The following NWD1 variants were observed in gnomAD, a reference collection of about 807,000 sequenced individuals.
The protein encoded by NWD1 is NACHT and WD repeat domain containing 1.
Under a neutral mutation model 135.1 loss-of-function variants are expected in NWD1, and 129 were observed. The observed-to-expected ratio is 0.96, with a 90% CI of 0.83 to 1.11. The LOEUF (loss-of-function observed/expected upper bound fraction) is 1.11. Ranked by LOEUF, NWD1 falls within the 50% of genes least tolerant of loss-of-function variation. The pLI, the probability that NWD1 is intolerant of heterozygous loss-of-function variation, is 0.00. For missense variants in NWD1, 1,740 were observed against 1,851.3 expected (o/e 0.94, Z 1.10); for synonymous variants, 773 against 786.0 (o/e 0.98, Z 0.28).
At chr19:16,738,884 T>TAA (rs1424385998) in intron 4 of NWD1, among the ~76,000 whole-genome samples, 5 of 142,678 alleles carry the variant, frequency 3.5e-5, no homozygotes, top group African/African-American at 1.3e-4. Context: ...ACATTATATA[T>TAA]TATATATATA....
In NWD1 at chr19:16,765,165, C is replaced by G. The variant is rs142432549; in HGVS notation, c.2383C>G (p.Arg795Gly). 4 of 1,614,088 alleles carry G rather than the reference C, an allele frequency of 2.5e-6. No individual in the cohort carries two copies. In the South Asian group the frequency reaches 4.4e-5, roughly 18 times the overall value. The change falls in exon 10 of 19, where the codon CGC (arginine) becomes GGC (glycine). Residue 795 changes from arginine to glycine, a missense_variant. By Grantham distance (125) the Arg-to-Gly change is moderately radical. Coordinates refer to ENST00000524140, the MANE Select transcript of NWD1 (RefSeq NM_001007525.5). ...GLVREALQLC[R>G]PAVELRGMER... Reference sequence around the variant, plus strand: ...GGTCCGTGAAGCCCTCCAGCTCTGCCGCCCTGCTGTGGAGCTCCGAGGCAT... The same window carrying G: ...GGTCCGTGAAGCCCTCCAGCTCTGCGGCCCTGCTGTGGAGCTCCGAGGCAT...
At chr19:16,734,835 C>T (rs1409618691) in intron 3 of NWD1, among the ~76,000 whole-genome samples, 4 of 152,090 alleles carry the variant, frequency 2.6e-5, no homozygotes, top group African/African-American at 7.2e-5. Context: ...ATCCTCCTCC[C>T]TCAGCCTCCC....
chr19:16,796,412 A>G (rs890998088), intron 15 of NWD1, among the ~76,000 whole-genome samples: 14 of 152,258 alleles, frequency 9.2e-5, no homozygotes, highest in Admixed American at 9.2e-4. Flanking sequence ...CAGTGAGCCA[A>G]GATCATGCCA....
At chr19:16,755,375 A>G (rs986300749) in intron 6 of NWD1, among the ~76,000 whole-genome samples, 4 of 151,394 alleles carry the variant, frequency 2.6e-5, no homozygotes, top group Non-Finnish European at 5.9e-5. Context: ...ATGCCACCAC[A>G]CCCAGTTATT....
At chr19:16,762,782 GCTTC>G (rs554518644) in intron 8 of NWD1, among the ~76,000 whole-genome samples, 15 of 149,716 alleles carry the variant, frequency 1.0e-4, no homozygotes, top group African/African-American at 3.2e-4. Flanking sequence ...TCCCTCCCTC[GCTTC>G]CTTCCTTCCT....
rs538957778 is a variant in NWD1 at position 16,724,090 on chromosome 19, G to C, written c.-104-276G>C. 4.6e-5 allele frequency among the ~76,000 whole-genome samples: 7 copies of C among 152,298 alleles called. No homozygotes were observed. The East Asian group carries it at 1.3e-3, about 29-fold the overall frequency. On this transcript the variant is annotated intron_variant, in intron 1 of 18. Transcript: ENST00000524140. ...CTCAATGGCAGAGTCTGTCCTGGGT[G>C]GACAAGGCAGGGAAGGGAAGTCAAG...
chr19:16,784,671 C>G, intron 12 of NWD1, among the ~76,000 whole-genome samples: 1 of 151,624 alleles, frequency 6.6e-6, no homozygotes, highest in Admixed American at 6.6e-5. Flanking sequence ...TGGCTCACGC[C>G]TGTAATCCCA....
chr19:16,749,502 C>T lies in NWD1; in HGVS notation c.860C>T (p.Ala287Val), dbSNP rs1968468033. ...ACACGCCTCCGTGAGCTGGATACGGCCGGACAGGAGTTGGCGTGGCTCTAC... is the reference window on the plus strand; with the variant it reads ...ACACGCCTCCGTGAGCTGGATACGGTCGGACAGGAGTTGGCGTGGCTCTAC... ...VLTRLRELDT[A>V]GQELAWLYQE... Residue 287 changes from alanine to valine, a missense_variant, in exon 6 of 19, where the codon GCC becomes GTC. Transcript: ENST00000524140. 1 of 1,610,740 alleles carries T rather than the reference C, an allele frequency of 6.2e-7. No homozygotes were observed.
intron 10 of NWD1, among the ~76,000 whole-genome samples, chr19:16,765,916 C>T (rs1228173784): frequency 2.7e-5 from 4 of 149,798 alleles, no homozygotes; most frequent in Non-Finnish European, 4.4e-5. Flanking sequence ...ACTCGGGAGG[C>T]TGAGGCAGGA....
chr19:16,792,553 G>A (rs995381007), intron 14 of NWD1, among the ~76,000 whole-genome samples: 6 of 152,050 alleles, frequency 3.9e-5, no homozygotes, highest in African/African-American at 1.2e-4. Context: ...GTGGTGGTGA[G>A]CACCTGTAAT....
chr19:16,785,453 G>A (rs1263290527), intron 12 of NWD1, among the ~76,000 whole-genome samples: 1 of 151,866 alleles, frequency 6.6e-6, no homozygotes, highest in Non-Finnish European at 1.5e-5. Flanking sequence ...GGAGGTTGCA[G>A]TGAGCCGAGA....
At chr19:16,805,875 TC>T (rs199932301) in intron 17 of NWD1, among the ~76,000 whole-genome samples, 5 of 151,448 alleles carry the variant, frequency 3.3e-5, no homozygotes, top group Admixed American at 6.6e-5. Flanking sequence ...TTTCTTTTCT[TC>T]TTTTTTTTTT....
intron 11 of NWD1, among the ~76,000 whole-genome samples, chr19:16,775,597 C>CCTGT (rs1969571873): frequency 6.6e-6 from 1 of 152,210 alleles, no homozygotes; most frequent in Non-Finnish European, 1.5e-5. Flanking sequence ...TATTTCCACT[C>CCTGT]CTGTCTCATT....
Position 16,726,417 on chromosome 19 carries a change from T to C in NWD1, c.-7+1954T>C, listed in dbSNP as rs1419570611. ...AAGCCATTGTGCTCAGCTACTAGAATTGATTTTAAACTGTTTTCTTTCTTT... is the reference window on the plus strand; with the variant it reads ...AAGCCATTGTGCTCAGCTACTAGAACTGATTTTAAACTGTTTTCTTTCTTT... On this transcript the variant is annotated intron_variant, in intron 2 of 18. Coordinates refer to ENST00000524140, the MANE Select transcript of NWD1 (RefSeq NM_001007525.5). Among the ~76,000 whole-genome samples the C allele has an allele frequency of 2.6e-5, 4 of 152,004 alleles. No homozygotes were observed. In the East Asian group the frequency reaches 5.8e-4, roughly 22 times the overall value.
intron 6 of NWD1, among the ~76,000 whole-genome samples, chr19:16,752,234 A>T (rs1207495212): frequency 1.3e-5 from 2 of 150,032 alleles, no homozygotes; most frequent in Non-Finnish European, 3.0e-5. Flanking sequence ...TTTTTTTCTC[A>T]GCCTGTGCCA....
In NWD1 at chr19:16,759,390, G is replaced by A; in HGVS notation, c.1935G>A (p.Arg645=). 1 of 1,591,422 alleles carries A rather than the reference G, an allele frequency of 6.3e-7. No individual in the cohort carries two copies. Among genetic ancestry groups the A allele is most frequent in the South Asian group, 1.1e-5 (1 of 88,888 alleles). The change falls in exon 7 of 19, where the codon CGG becomes CGA. Residue 645 remains arginine, a synonymous_variant. Coordinates refer to ENST00000524140, the MANE Select transcript of NWD1 (RefSeq NM_001007525.5). The part of the protein sequence containing the change: ...RRDLGYYLAR[R]PVDGFTLLAI... ...ATCTGGGATACTACTTGGCCCGGCG[G>A]CCCGTGGATGGCTTCACCCTCCTGG... is the stretch of plus-strand genomic sequence containing the variant.
intron 10 of NWD1, among the ~76,000 whole-genome samples, chr19:16,771,027 C>CG (rs1387726550): frequency 1.3e-5 from 2 of 152,148 alleles, no homozygotes; most frequent in East Asian, 3.9e-4. Context: ...GGGCCGAGTG[C>CG]GGGGGTTCAC....
intron 5 of NWD1, among the ~76,000 whole-genome samples, chr19:16,748,518 G>C (rs1217488769): frequency 6.6e-6 from 1 of 151,912 alleles, no homozygotes; most frequent in African/African-American, 2.4e-5. Context: ...TACCCTGAGG[G>C]GTCTTTGATT....
At chr19:16,757,315 C>T (rs1282665433) in intron 6 of NWD1, among the ~76,000 whole-genome samples, 1 of 152,132 alleles carries the variant, frequency 6.6e-6, no homozygotes, top group Non-Finnish European at 1.5e-5. Context: ...AGAAACGCTG[C>T]ACTCAGCATG....
Sources: allele counts gnomAD v4.1 joint callset (sites outside exome capture counted in the v4.1 genomes callset), GRCh38; gene constraint gnomAD v4.1.1; transcripts MANE v1.5; gene names NCBI Gene and HGNC (gene_info 2026-07-23, HGNC 2026-07-21).